SLC16A7: variants seen among roughly 807,000 people sequenced by gnomAD.
SLC16A7 encodes the protein solute carrier family 16 member 7, also known as monocarboxylate transporter 2.
In SLC16A7, 33 loss-of-function variants were observed where a neutral mutation model predicts 34.9. The observed-to-expected ratio is 0.94, with a 90% CI of 0.72 to 1.26. The LOEUF (loss-of-function observed/expected upper bound fraction) is 1.26, where lower values mean the gene tolerates loss of function less well. Among genes scored for constraint, SLC16A7 ranks in the 50% most tolerant of loss-of-function variants. SLC16A7 has a pLI of 0.00. For missense variants in SLC16A7, 573 were observed against 578.1 expected, an observed-to-expected ratio of 0.99 and a Z score of 0.09; for synonymous variants, 201 against 206.6, an observed-to-expected ratio of 0.97 and a Z score of 0.23.
At position 59,691,100 on chromosome 12, in the gene SLC16A7, T is replaced by G. The variant is rs1372720448; in HGVS notation, c.-30-13672T>G. On this transcript the variant is annotated intron_variant, in intron 2 of 5. Transcript: ENST00000547379. Reference sequence around the variant, plus strand: ...CATAAGATTTACTCATTATATAATATTTAAAGATTTCAAAATATATAAATC... The same window carrying G: ...CATAAGATTTACTCATTATATAATAGTTAAAGATTTCAAAATATATAAATC... Among the ~76,000 whole-genome samples, 4 of 152,130 alleles carry G rather than the reference T, an allele frequency of 2.6e-5. No individual in the cohort carries two copies. The East Asian group carries it at 5.8e-4, about 22-fold the overall frequency.
At chr12:59,603,548 A>G (rs1163458298) in intron 1 of SLC16A7, among the ~76,000 whole-genome samples, 3 of 152,056 alleles carry the variant, frequency 2.0e-5, no homozygotes, top group African/African-American at 4.8e-5. Flanking sequence ...ACCACATACA[A>G]ATTTTCCTCT....
chr12:59,756,257 A>G (rs12231132), intron 3 of SLC16A7, among the ~76,000 whole-genome samples: 23 of 152,206 alleles, frequency 1.5e-4, no homozygotes, highest in African/African-American at 3.4e-4. Context: ...TTGACAAATG[A>G]GATCTAATTA....
At chr12:59,611,334 G>A (rs907050903) in intron 1 of SLC16A7, among the ~76,000 whole-genome samples, 3 of 152,142 alleles carry the variant, frequency 2.0e-5, no homozygotes, top group African/African-American at 7.2e-5. Flanking sequence ...AGCGAAGGGG[G>A]AAGCCACTTA....
At position 59,788,969 on chromosome 12, in the gene SLC16A7, G is replaced by A. The variant is rs1883807973; in HGVS notation, c.*9290G>A. The A allele has an allele frequency of 6.6e-6, 1 of 151,900 alleles. No homozygotes were observed. Among genetic ancestry groups the A allele is most frequent in the East Asian group, 1.9e-4 (1 of 5,188 alleles). The allele number at this position is 151,900 out of a possible 1,614,324, so 9.4% of individuals were successfully genotyped here. ...TACTACAGCGTTATATGAACATAAT[G>A]TTTTAAAAAAATCTTGGTTGTAGTT... On this transcript the variant is annotated 3_prime_UTR_variant, in exon 6 of 6. Transcript: ENST00000547379.
chr12:59,678,747 G>A (rs1270979376), intron 2 of SLC16A7, among the ~76,000 whole-genome samples: 1 of 152,052 alleles, frequency 6.6e-6, no homozygotes, highest in African/African-American at 2.4e-5. Context: ...CTTGAAGGTG[G>A]GGTTTCACCT....
rs138109778 is a variant in SLC16A7, at chr12:59,704,760, A to T, written c.-30-12A>T. 2.8e-4 allele frequency: 381 copies of T among 1,347,108 alleles called. 1 individual carries two copies. The African/African-American group carries it at 4.9e-3, about 17-fold the overall frequency. The allele number at this position is 1,347,108 out of a possible 1,614,324, so 83.4% of individuals were successfully genotyped here. On this transcript the variant is annotated splice_polypyrimidine_tract_variant and intron_variant, in intron 2 of 5. Transcript: ENST00000547379. Reference sequence around the variant, plus strand: ...ATAAAATTTAAACTGTTATTTCATTATTTTAATATAGGTTACTTGAATTTC... The same window carrying T: ...ATAAAATTTAAACTGTTATTTCATTTTTTTAATATAGGTTACTTGAATTTC...
intron 4 of SLC16A7, among the ~76,000 whole-genome samples, chr12:59,773,626 A>G (rs1164916596): frequency 1.4e-5 from 2 of 147,544 alleles, no homozygotes; most frequent in Non-Finnish European, 2.9e-5. Flanking sequence ...GTGCAGTGGC[A>G]TGATCTCGGC....
At chr12:59,620,006 T>C (rs181697639) in intron 1 of SLC16A7, among the ~76,000 whole-genome samples, 3 of 152,082 alleles carry the variant, frequency 2.0e-5, no homozygotes, top group Admixed American at 6.6e-5. Flanking sequence ...AGACTAGACA[T>C]TCTAACCCCA....
intron 3 of SLC16A7, 137 bp from the exon 4 acceptor site, chr12:59,771,071 AAAGTTCTCATT>A: frequency 1.5e-6 from 1 of 673,116 alleles, no homozygotes; most frequent in Non-Finnish European, 2.5e-6. Flanking sequence ...GAAGTATTGA[AAAGTTCTCATT>A]ATGTTTCATG....
At chr12:59,605,008 G>A (rs1000648849) in intron 1 of SLC16A7, among the ~76,000 whole-genome samples, 1 of 151,908 alleles carries the variant, frequency 6.6e-6, no homozygotes, top group Non-Finnish European at 1.5e-5. Context: ...CACCACGCCC[G>A]GCTAATTTTT....
In SLC16A7 at chr12:59,775,467, C is replaced by A; in HGVS notation, c.1172C>A (p.Pro391His). ...VECGPVLLGP[P>H]LAGKLVDLTG... is the part of the protein sequence containing the mutation. ...TGTGGCCCAGTTCTTCTTGGCCCTCCTCTTGCAGGTAAGAACGTTTTTCAT... is the reference window on the plus strand; with the variant it reads ...TGTGGCCCAGTTCTTCTTGGCCCTCATCTTGCAGGTAAGAACGTTTTTCAT... The change falls in exon 5 of 6, where the codon CCT (proline) becomes CAT (histidine). Residue 391 changes from proline to histidine, a missense_variant. Coordinates refer to ENST00000547379, the MANE Select transcript of SLC16A7 (RefSeq NM_001270623.2). 1 of 1,612,206 alleles carries A rather than the reference C, an allele frequency of 6.2e-7. No homozygotes were observed. The highest frequency in any genetic ancestry group is 8.5e-7 in the Non-Finnish European group (1 of 1,178,716).
intron 2 of SLC16A7, among the ~76,000 whole-genome samples, chr12:59,656,789 A>G (rs974644434): frequency 8.6e-5 from 13 of 151,930 alleles, no homozygotes; most frequent in South Asian, 6.2e-4. Context: ...CATGTTAAGT[A>G]TGCTCATAGG....
At chr12:59,608,745 A>T (rs986452014) in intron 1 of SLC16A7, among the ~76,000 whole-genome samples, 1 of 152,160 alleles carries the variant, frequency 6.6e-6, no homozygotes, top group African/African-American at 2.4e-5. Flanking sequence ...GTGTATTTTT[A>T]TTTGTTTTCA....
At chr12:59,634,613 A>T (rs1203527390) in intron 1 of SLC16A7, among the ~76,000 whole-genome samples, 1 of 152,014 alleles carries the variant, frequency 6.6e-6, no homozygotes, top group Non-Finnish European at 1.5e-5. Context: ...GAGGATGAAG[A>T]GCCTGAGTAG....
chr12:59,670,834 A>G (rs1869618315), intron 2 of SLC16A7, among the ~76,000 whole-genome samples: 1 of 152,152 alleles, frequency 6.6e-6, no homozygotes, highest in African/African-American at 2.4e-5. Context: ...GGTGGTCCAG[A>G]CAGTAACTCT....
At chr12:59,753,040 C>T (rs924669699) in intron 3 of SLC16A7, among the ~76,000 whole-genome samples, 2 of 152,180 alleles carry the variant, frequency 1.3e-5, no homozygotes, top group Non-Finnish European at 2.9e-5. Flanking sequence ...AAATACTCTA[C>T]AGACAAGCAA....
At position 59,599,399 on chromosome 12, in the gene SLC16A7, G is replaced by A. The variant is rs12815757; in HGVS notation, c.-130+3163G>A. 3.0e-3 allele frequency among the ~76,000 whole-genome samples: 449 copies of A among 152,202 alleles called. 4 individuals are homozygous for A. The highest frequency in any genetic ancestry group is 0.01 in the African/African-American group (429 of 41,526). On this transcript the variant is annotated intron_variant, in intron 1 of 5. Transcript: ENST00000547379. Reference sequence around the variant, plus strand: ...CTAGTTTATGATGCTCATTTATGCAGAATAGGAAAATATTCTCTTTGGTTT... The same window carrying A: ...CTAGTTTATGATGCTCATTTATGCAAAATAGGAAAATATTCTCTTTGGTTT...
At chr12:59,772,467 C>G (rs1882327933) in intron 4 of SLC16A7, among the ~76,000 whole-genome samples, 1 of 152,152 alleles carries the variant, frequency 6.6e-6, no homozygotes, top group South Asian at 2.1e-4. Context: ...CTACAGATAT[C>G]AATGGCATTA....
At chr12:59,734,046 A>G (rs1877288023) in intron 3 of SLC16A7, 2 of 334,716 alleles carry the variant, frequency 6.0e-6, no homozygotes, top group Non-Finnish European at 1.2e-5. Flanking sequence ...ACTTTGGTCT[A>G]CAGACTACCC....
Sources: gnomAD v4.1 joint callset for allele counts (sites outside exome capture counted in the v4.1 genomes callset) on GRCh38, gnomAD v4.1.1 for gene constraint, MANE v1.5 for transcripts, NCBI Gene and HGNC (gene_info 2026-07-23, HGNC 2026-07-21) for gene names.